COL6A3: variants seen among roughly 807,000 people sequenced by gnomAD.
COL6A3 encodes collagen alpha-3(VI) chain.
COL6A3 carries 137 observed loss-of-function variants against 274.1 expected under a neutral mutation model. The observed-to-expected ratio is 0.50, with a 90% CI of 0.44 to 0.58. The LOEUF is 0.58. COL6A3 is among the 20% of genes least tolerant of loss of function. The pLI is 0.00. For missense variants in COL6A3, 3,950 were observed against 4,124.9 expected, an observed-to-expected ratio of 0.96 and a Z score of 1.16; for synonymous variants, 1,650 against 1,650.6, an observed-to-expected ratio of 1.00 and a Z score of 0.01.
intron 1 of COL6A3, among the ~76,000 whole-genome samples, chr2:237,402,573 T>A (rs2078618966): frequency 6.6e-6 from 1 of 152,142 alleles, no homozygotes; most frequent in Non-Finnish European, 1.5e-5. Context: ...CATCCTAAAG[T>A]GTGTCTACAT....
At position 237,367,086 on chromosome 2, in the gene COL6A3, G is replaced by T. The variant is rs1002364579; in HGVS notation, c.5101C>A (p.Gln1701Lys). Residue 1701 changes from glutamine to lysine, a missense_variant, in exon 11 of 44, where the codon CAG becomes AAG. Physicochemically the swap from Gln to Lys is moderately conservative, Grantham distance 53 (BLOSUM62 1). This residue lies in a region of COL6A3 where 632 missense variants were observed against 623.4 expected (regional missense o/e 1.01). Coordinates refer to ENST00000295550, the MANE Select transcript of COL6A3 (RefSeq NM_004369.4). ...FFLKDFSTKR[Q>K]IIDAINKVVY... is the part of the protein sequence containing the mutation. ...ACTTTGTTGATGGCGTCAATAATCT[G>T]CCTCTTGGTAGAGAAGTCCTTCAGG... The T allele has an allele frequency of 4.3e-6, 7 of 1,614,116 alleles. No individual in the cohort carries two copies. Among genetic ancestry groups the T allele is most frequent in the African/African-American group, 1.3e-5 (1 of 74,942 alleles).
At chr2:237,402,984 C>T (rs1036725631) in intron 1 of COL6A3, among the ~76,000 whole-genome samples, 3 of 152,162 alleles carry the variant, frequency 2.0e-5, no homozygotes, top group East Asian at 1.9e-4. Flanking sequence ...AGATTGATAG[C>T]AGAGGAGAGT....
At position 237,379,036 on chromosome 2, in the gene COL6A3, C is replaced by T. The variant is rs904727365; in HGVS notation, c.2097G>A (p.Lys699=). ...GCCTCAGATGACCAAGGATATCTGA[C>T]TTGGTCTGGTATGTGTTTAAAGAGA... The part of the protein sequence containing the change: ...TEFSLNTYQT[K]SDILGHLRQL... The change falls in exon 6 of 44, where the codon AAG becomes AAA. Residue 699 remains lysine (K), a synonymous_variant. Coordinates refer to ENST00000295550, the MANE Select transcript of COL6A3 (RefSeq NM_004369.4). 4 of 1,614,076 alleles carry T rather than the reference C, an allele frequency of 2.5e-6. No individual in the cohort carries two copies. The highest frequency in any genetic ancestry group is 2.2e-5 in the South Asian group (2 of 91,082).
At chr2:237,378,599 G>T (rs890656594) in intron 6 of COL6A3, 37 bp downstream of exon 6, 7 of 1,611,974 alleles carry the variant, frequency 4.3e-6, no homozygotes, top group Non-Finnish European at 5.9e-6. Context: ...GGTGTCTGAG[G>T]AAGGAGAGGG....
Position 237,334,810 on chromosome 2 carries a change from G to C in COL6A3, c.9045C>G (p.Pro3015=), listed in dbSNP as rs144834964. The C allele has an allele frequency of 6.2e-7, 1 of 1,614,064 alleles. No homozygotes were observed. The highest frequency in any genetic ancestry group is 8.5e-7 in the Non-Finnish European group (1 of 1,179,996). Reference sequence around the variant, plus strand: ...CGGTGAGGTCATAAAAATAAGGACCGGGGGGCTCAGCCCTCTCCCAGTGGA... The same window carrying C: ...CGGTGAGGTCATAAAAATAAGGACCCGGGGGCTCAGCCCTCTCCCAGTGGA... ...AKLHWERAEP[P]GPYFYDLTVT... is the part of the protein sequence containing the mutation. The change falls in exon 41 of 44, where the codon CCC becomes CCG. Residue 3015 remains proline, a synonymous_variant. Transcript: ENST00000295550.
intron 4 of COL6A3, among the ~76,000 whole-genome samples, chr2:237,381,981 A>C (rs1053241230): frequency 6.6e-6 from 1 of 152,338 alleles, no homozygotes; most frequent in South Asian, 2.1e-4. Context: ...CTTCAGTTCT[A>C]TATTCCCTGT....
rs190109614 is a variant in COL6A3 at position 237,357,592 on chromosome 2, C to T, written c.6538-201G>A. Reference sequence around the variant, plus strand: ...AGCCTTTGGCTTAACAAGCACCTTCCGTAAATATCTAAGAGGCACAGATTC... The same window carrying T: ...AGCCTTTGGCTTAACAAGCACCTTCTGTAAATATCTAAGAGGCACAGATTC... On this transcript the variant is annotated intron_variant, in intron 22 of 43. Coordinates refer to ENST00000295550, the MANE Select transcript of COL6A3 (RefSeq NM_004369.4). Among the ~76,000 whole-genome samples the T allele has an allele frequency of 6.3e-4, 96 of 152,358 alleles. No individual in the cohort carries two copies. The highest frequency in any genetic ancestry group is 1.0e-3 in the Non-Finnish European group (71 of 68,032).
At chr2:237,382,255 C>T (rs1351470091) in intron 4 of COL6A3, among the ~76,000 whole-genome samples, 1 of 152,018 alleles carries the variant, frequency 6.6e-6, no homozygotes. Context: ...TGGGGGCAGA[C>T]ACCTGTAATC....
intron 1 of COL6A3, among the ~76,000 whole-genome samples, chr2:237,400,561 T>TA (rs1369221576): frequency 2.7e-5 from 4 of 148,152 alleles, no homozygotes; most frequent in African/African-American, 5.0e-5. Context: ...CATGAAGCAA[T>TA]AAAAAAAATT....
At chr2:237,326,096 T>C (rs1699927327) in intron 42 of COL6A3, 1 of 167,716 alleles carries the variant, frequency 6.0e-6, no homozygotes, top group African/African-American at 2.4e-5. Flanking sequence ...GAAAAGAAAC[T>C]GAATTTTAAA....
chr2:237,363,435 G>A (rs915856041), intron 13 of COL6A3, 37 bp from the exon 14 acceptor site: 2 of 1,613,206 alleles, frequency 1.2e-6, no homozygotes, highest in Non-Finnish European at 1.7e-6. Flanking sequence ...GCTCACCTAG[G>A]CATGTGGAAA....
At position 237,344,088 on chromosome 2, in the gene COL6A3, T is replaced by G. The variant is rs2077048346; in HGVS notation, c.7668+262A>C. On this transcript the variant is annotated intron_variant, in intron 36 of 43. Coordinates refer to ENST00000295550, the MANE Select transcript of COL6A3 (RefSeq NM_004369.4). The surrounding 1 kb of genome is among the most constrained non-coding windows in gnomAD (Gnocchi z 4.8). ...AGTAGATAGAGAGTGTCACCAACACTAGCATCACTAACCGGCAAGAGCTGT... is the reference window on the plus strand; with the variant it reads ...AGTAGATAGAGAGTGTCACCAACACGAGCATCACTAACCGGCAAGAGCTGT... 7.1e-6 allele frequency: 4 copies of G among 562,418 alleles called. No individual in the cohort carries two copies. The highest frequency in any genetic ancestry group is 9.8e-4 in the Middle Eastern group (2 of 2,040). The allele number at this position is 562,418 out of a possible 1,614,324, so 34.8% of individuals were successfully genotyped here.
At position 237,374,635 on chromosome 2, in the gene COL6A3, G is replaced by A. The variant is rs112815265; in HGVS notation, c.3456C>T (p.Ser1152=). 1,256 of 1,614,136 alleles carry A rather than the reference G, an allele frequency of 7.8e-4. 13 individuals are homozygous for A. In the African/African-American group the frequency reaches 0.015, roughly 19 times the overall value. Residue 1152 remains serine, a synonymous_variant, in exon 8 of 44, where the codon TCC becomes TCT. Coordinates refer to ENST00000295550, the MANE Select transcript of COL6A3 (RefSeq NM_004369.4). This position sits in a 1 kb window ranked among gnomAD's most constrained non-coding sequence, Gnocchi z 4.8. ...CAGCCCCACCCCTCTTCACGACCAC[G>A]GAGGGGTTCCGCACATCATCCCCAG... ...DRSGDDVRNP[S]VVVKRGGAVP... is the part of the protein sequence containing the mutation.
chr2:237,328,464 C>G (rs1700065040), intron 42 of COL6A3: 1 of 152,164 alleles, frequency 6.6e-6, no homozygotes, highest in South Asian at 2.1e-4. Context: ...ATGTGCGATG[C>G]ATGCACCTTC....
In COL6A3 at chr2:237,395,180, T is replaced by A; in HGVS notation, c.116A>T (p.Asp39Val). 1 of 1,613,566 alleles carries A rather than the reference T, an allele frequency of 6.2e-7. No individual in the cohort carries two copies. The highest frequency in any genetic ancestry group is 8.5e-7 in the Non-Finnish European group (1 of 1,180,028). ...AGAGGAATCCACTAGAAATATTATA[T>A]CAGCAGCCGCACCATTTTTGACATC... ...QADVKNGAAA[D>V]IIFLVDSSWT... Residue 39 changes from aspartate (D) to valine (V), a missense_variant, in exon 3 of 44, where the codon GAT becomes GTT. Physicochemically the swap from Asp to Val is radical, Grantham distance 152. This residue lies in a region of COL6A3 where 1,934 missense variants were observed against 1,984.3 expected (regional missense o/e 0.97). Coordinates refer to ENST00000295550, the MANE Select transcript of COL6A3 (RefSeq NM_004369.4).
rs149462470 is a variant in COL6A3, at chr2:237,407,778, C to T, written c.-31+6175G>A. Among the ~76,000 whole-genome samples the T allele has an allele frequency of 5.9e-5, 9 of 152,304 alleles. No homozygotes were observed. In the East Asian group the frequency reaches 9.6e-4, roughly 16 times the overall value. On this transcript the variant is annotated intron_variant, in intron 1 of 43. Coordinates refer to ENST00000295550, the MANE Select transcript of COL6A3 (RefSeq NM_004369.4). The surrounding 1 kb of genome is among the most constrained non-coding windows in gnomAD (Gnocchi z 4.3). ...AACACATTCCACATTCTGAAATATA[C>T]GGCAGCCAGACAAGATTTTGTCTGC...
rs1224533621 is a variant in COL6A3 at position 237,395,184 on chromosome 2, C to A, written c.112G>T (p.Ala38Ser). ...GAATCCACTAGAAATATTATATCAG[C>A]AGCCGCACCATTTTTGACATCTTTA... is the stretch of plus-strand genomic sequence containing the variant. The part of the protein sequence containing the change: ...QQADVKNGAA[A>S]DIIFLVDSSW... The change falls in exon 3 of 44, where the codon GCT (alanine) becomes TCT (serine). Residue 38 changes from alanine to serine, a missense_variant. Ala to Ser is a moderately conservative substitution (Grantham distance 99). This residue lies in a region of COL6A3 where 1,934 missense variants were observed against 1,984.3 expected (regional missense o/e 0.97). Transcript: ENST00000295550. 6.2e-7 allele frequency: 1 copy of A among 1,613,364 alleles called. No individual in the cohort carries two copies. The highest frequency in any genetic ancestry group is 8.5e-7 in the Non-Finnish European group (1 of 1,180,024).
chr2:237,365,324 T>G (rs1174213368), intron 12 of COL6A3, among the ~76,000 whole-genome samples: 1 of 151,750 alleles, frequency 6.6e-6, no homozygotes, highest in Admixed American at 6.6e-5. Context: ...CCTAGCAAAC[T>G]CACATGGTGT....
At chr2:237,340,253 G>T (rs2076954957) in intron 38 of COL6A3, among the ~76,000 whole-genome samples, 199 bp downstream of exon 38, 1 of 152,214 alleles carries the variant, frequency 6.6e-6, no homozygotes, top group Non-Finnish European at 1.5e-5. Flanking sequence ...TGAGAACAAG[G>T]ATACTGTCTG....
Sources: gnomAD v4.1 joint callset for allele counts (sites outside exome capture counted in the v4.1 genomes callset) on GRCh38, gnomAD v4.1.1 for gene constraint, gnomAD v4.1.1 regional missense constraint, Gnocchi (gnomAD v3.1) non-coding constraint, MANE v1.5 for transcripts, NCBI Gene and HGNC (gene_info 2026-07-23, HGNC 2026-07-21) for gene names.